The following UGT1A6 variants were observed in gnomAD, a reference collection of about 807,000 sequenced individuals.
UGT1A6 encodes the protein UDP glucuronosyltransferase family 1 member A6.
Under a neutral mutation model 44.4 loss-of-function variants are expected in UGT1A6, and 32 were observed. The observed-to-expected ratio is 0.72, with a 90% CI of 0.54 to 0.97. The LOEUF is 0.97. UGT1A6 is among the 50% of genes least tolerant of loss of function. UGT1A6 has a pLI of 0.00. For synonymous variants in UGT1A6, 238 were observed against 248.5 expected, an observed-to-expected ratio of 0.96 and a Z score of 0.40; for missense variants, 685 against 661.9, an observed-to-expected ratio of 1.03 and a Z score of -0.38.
At chr2:233,719,146 G>A in intron 1 of UGT1A6, 2 of 1,614,266 alleles carry the variant, frequency 1.2e-6, no homozygotes, top group Non-Finnish European at 1.7e-6. Context: ...CTTCTGAAGA[G>A]ATATTCTAGA....
chr2:233,740,221 TC>T (rs1691341111), intron 1 of UGT1A6, among the ~76,000 whole-genome samples: 1 of 151,864 alleles, frequency 6.6e-6, no homozygotes, highest in Non-Finnish European at 1.5e-5. Flanking sequence ...CTCAGCTGCG[TC>T]TTTATAGCAG....
intron 1 of UGT1A6, among the ~76,000 whole-genome samples, chr2:233,750,227 A>C (rs977533582): frequency 6.6e-6 from 1 of 151,900 alleles, no homozygotes; most frequent in Admixed American, 6.5e-5. Flanking sequence ...GAGATGAGGA[A>C]CTTATTGGGA....
At chr2:233,766,271 G>A (rs926044962) in intron 1 of UGT1A6, among the ~76,000 whole-genome samples, 6 of 67,896 alleles carry the variant, frequency 8.8e-5, no homozygotes, top group Non-Finnish European at 1.8e-4. Context: ...GCCCGGGCTC[G>A]GTGGCCCGGG....
intron 1 of UGT1A6, chr2:233,718,918 T>C (rs778450561): frequency 2.5e-6 from 4 of 1,614,094 alleles, no homozygotes; most frequent in Non-Finnish European, 3.4e-6. Context: ...AAGGTGTTGG[T>C]GGTGCCCACT....
Position 233,693,985 on chromosome 2 carries a change from A to T in UGT1A6, c.861+120A>T. On this transcript the variant is annotated intron_variant, in intron 1 of 4. Coordinates refer to ENST00000305139, the MANE Select transcript of UGT1A6 (RefSeq NM_001072.4). Reference sequence around the variant, plus strand: ...ATTTCCTGGAGAAACGGTGGGGGGAAGTGATACCCGGCTCGGAGCAGCGGG... The same window carrying T: ...ATTTCCTGGAGAAACGGTGGGGGGATGTGATACCCGGCTCGGAGCAGCGGG... 3 of 1,547,250 alleles carry T rather than the reference A, an allele frequency of 1.9e-6. No individual in the cohort carries two copies. The Admixed American group carries it at 5.6e-5, about 29-fold the overall frequency.
intron 1 of UGT1A6, among the ~76,000 whole-genome samples, chr2:233,750,390 A>T (rs1292559370): frequency 3.9e-5 from 6 of 151,942 alleles, no homozygotes; most frequent in Admixed American, 2.0e-4. Context: ...AAGTTTGGAA[A>T]ATTTGCAGCC....
intron 1 of UGT1A6, chr2:233,722,006 C>G (rs1031101213): frequency 6.6e-5 from 17 of 257,220 alleles, no homozygotes; most frequent in African/African-American, 2.9e-4. Context: ...TTTAAGTGAA[C>G]AGGAAAACTG....
intron 1 of UGT1A6, among the ~76,000 whole-genome samples, chr2:233,751,100 G>A (rs895970679): frequency 2.6e-5 from 4 of 151,920 alleles, no homozygotes; most frequent in African/African-American, 9.7e-5. Context: ...GGAGGGCTTT[G>A]CCCTGCAAGC....
intron 1 of UGT1A6, among the ~76,000 whole-genome samples, chr2:233,723,516 CT>C (rs1162916866): frequency 0.039 from 3,290 of 85,380 alleles, 164 homozygotes; most frequent in African/African-American, 0.1. Flanking sequence ...GGTCAACAAT[CT>C]TTTTTTTTTT....
intron 1 of UGT1A6, chr2:233,743,219 T>A (rs1133491): frequency 5.8e-5 from 24 of 411,238 alleles, no homozygotes; most frequent in Middle Eastern, 7.1e-4. Flanking sequence ...TAACTGCTCT[T>A]TGCTATTTAT....
At position 233,767,893 on chromosome 2, in the gene UGT1A6, CA is replaced by C. The variant is rs745655794; in HGVS notation, c.1040del (p.Asn347ThrfsTer18). ...TGTRPSNLAN[N>X]TILVKWLPQN... ...GAACCCGACCATCGAATCTTGCGAA[CA>C]ACACGATACTTGTTAAGTGGCTACC... On this transcript the variant is annotated frameshift_variant, in exon 3 of 5. Coordinates refer to ENST00000305139, the MANE Select transcript of UGT1A6 (RefSeq NM_001072.4). LOFTEE classifies it high-confidence loss of function. The C allele has an allele frequency of 3.1e-6, 5 of 1,614,158 alleles. No individual in the cohort carries two copies. In the South Asian group the frequency reaches 5.5e-5, roughly 18 times the overall value.
chr2:233,715,952 G>A (rs1392770925), intron 1 of UGT1A6, among the ~76,000 whole-genome samples: 1 of 152,134 alleles, frequency 6.6e-6, no homozygotes, highest in Admixed American at 6.5e-5. Flanking sequence ...TTTGTTGACT[G>A]ACTGACTGAT....
intron 1 of UGT1A6, among the ~76,000 whole-genome samples, chr2:233,708,160 C>T (rs999890937): frequency 3.3e-5 from 5 of 152,062 alleles, no homozygotes; most frequent in African/African-American, 7.2e-5. Flanking sequence ...GGGGAGTTGC[C>T]GGAAAATGGA....
At chr2:233,716,337 C>A (rs17868335) in intron 1 of UGT1A6, among the ~76,000 whole-genome samples, 15,441 of 152,180 alleles carry the variant, frequency 0.1, 906 homozygotes, top group East Asian at 0.2. Flanking sequence ...CCCAGGTTTG[C>A]GCAACTACAA....
chr2:233,720,454 C>T (rs1295053597), intron 1 of UGT1A6, among the ~76,000 whole-genome samples: 1 of 152,034 alleles, frequency 6.6e-6, no homozygotes, highest in African/African-American at 2.4e-5. Flanking sequence ...CCCAGTGAAG[C>T]TGGGACCAGT....
At chr2:233,693,985 A>C (rs1444148236) in intron 1 of UGT1A6, 120 bp downstream of exon 1, 2 of 1,547,132 alleles carry the variant, frequency 1.3e-6, no homozygotes, top group Admixed American at 3.8e-5. Flanking sequence ...GGTGGGGGGA[A>C]GTGATACCCG....
rs1355599661 is a variant in UGT1A6, at chr2:233,766,653, G to C, written c.862-381G>C. Among the ~76,000 whole-genome samples the C allele has an allele frequency of 2.6e-5, 4 of 152,090 alleles. No individual in the cohort carries two copies. In the East Asian group the frequency reaches 7.7e-4, roughly 29 times the overall value. On this transcript the variant is annotated intron_variant, in intron 1 of 4. Transcript: ENST00000305139. ...TCCCTACTTCCATATCATTTAAAGG[G>C]ACCACGCCCTTCCCAGCTCTTCCCT...
Position 233,710,338 on chromosome 2 carries a change from C to T in UGT1A6, c.861+16473C>T, listed in dbSNP as rs976362588. On this transcript the variant is annotated intron_variant, in intron 1 of 4. Coordinates refer to ENST00000305139, the MANE Select transcript of UGT1A6 (RefSeq NM_001072.4). ...TATGTATGACTTCATAAGAAACAGT[C>T]GAACTGTTTCCAAAGCAGTTATACA... 2.6e-5 allele frequency among the ~76,000 whole-genome samples: 4 copies of T among 152,160 alleles called. No homozygotes were observed. The South Asian group carries it at 6.2e-4, about 24-fold the overall frequency.
At chr2:233,728,754 C>A (rs1442731907) in intron 1 of UGT1A6, among the ~76,000 whole-genome samples, 2 of 152,152 alleles carry the variant, frequency 1.3e-5, no homozygotes, top group Non-Finnish European at 2.9e-5. Flanking sequence ...AATGGTGACT[C>A]CTCAGACCTC....
Sources: allele counts gnomAD v4.1 joint callset (sites outside exome capture counted in the v4.1 genomes callset), GRCh38; gene constraint gnomAD v4.1.1; transcripts MANE v1.5; gene names NCBI Gene and HGNC (gene_info 2026-07-23, HGNC 2026-07-21).